EML4: variants seen among roughly 807,000 people sequenced by gnomAD.
The protein encoded by EML4 is EMAP like 4, also known as echinoderm microtubule-associated protein-like 4.
EML4 carries 72 observed loss-of-function variants against 129.0 expected under a neutral mutation model. The observed-to-expected ratio is 0.56, with a 90% CI of 0.46 to 0.68. The LOEUF (loss-of-function observed/expected upper bound fraction) is 0.68. EML4 is among the 30% of genes least tolerant of loss of function. The probability of loss-of-function intolerance (pLI) is 0.00; values close to 1 mark genes in which losing one functional copy is unlikely to be tolerated. For missense variants in EML4, 1,363 were observed against 1,190.6 expected (o/e 1.14, Z -2.13); for synonymous variants, 532 against 405.0 (o/e 1.31, Z -3.77).
At chr2:42,282,679 A>C (rs1195176271) in intron 7 of EML4, 144 bp from the exon 8 acceptor site, 2 of 704,616 alleles carry the variant, frequency 2.8e-6, no homozygotes, top group African/African-American at 1.8e-5. Context: ...ACGTGTGAGC[A>C]CTCTGCCCGT....
chr2:42,294,086 A>G (rs1482068432), intron 11 of EML4, among the ~76,000 whole-genome samples: 1 of 152,282 alleles, frequency 6.6e-6, no homozygotes, highest in African/African-American at 2.4e-5. Flanking sequence ...ACTATAAAAT[A>G]TCAATTTAGT....
At chr2:42,314,683 A>G (rs1255860642) in intron 17 of EML4, among the ~76,000 whole-genome samples, 3 of 152,174 alleles carry the variant, frequency 2.0e-5, no homozygotes, top group African/African-American at 7.2e-5. Context: ...CATTCTGCAG[A>G]TATTTAGTGC....
chr2:42,175,623 C>T (rs1180672820), intron 1 of EML4, among the ~76,000 whole-genome samples: 1 of 151,982 alleles, frequency 6.6e-6, no homozygotes, highest in African/African-American at 2.4e-5. Flanking sequence ...CTCAGCCTCC[C>T]GAGTAGCTGA....
intron 19 of EML4, among the ~76,000 whole-genome samples, chr2:42,324,780 A>T (rs1189138234): frequency 1.3e-5 from 2 of 152,262 alleles, no homozygotes; most frequent in African/African-American, 4.8e-5. Flanking sequence ...AAGTGCTTAT[A>T]CGTGAAGCCA....
intron 1 of EML4, among the ~76,000 whole-genome samples, chr2:42,216,841 T>C (rs1273107820): frequency 2.6e-5 from 4 of 152,166 alleles, no homozygotes; most frequent in Non-Finnish European, 5.9e-5. Flanking sequence ...TTGTCTAAAA[T>C]TGGTTATATC....
intron 2 of EML4, among the ~76,000 whole-genome samples, chr2:42,246,821 A>G (rs1033387993): frequency 1.3e-5 from 2 of 152,198 alleles, no homozygotes; most frequent in African/African-American, 4.8e-5. Context: ...CTGCTTACAG[A>G]GATGTCAAAT....
At chr2:42,172,454 C>G (rs997973568) in intron 1 of EML4, among the ~76,000 whole-genome samples, 1 of 151,954 alleles carries the variant, frequency 6.6e-6, no homozygotes, top group South Asian at 2.1e-4. Context: ...TTATAAATGC[C>G]ACATTGAAGT....
intron 13 of EML4, among the ~76,000 whole-genome samples, chr2:42,296,591 T>C (rs58088543): frequency 0.031 from 4,681 of 152,264 alleles, 240 homozygotes; most frequent in African/African-American, 0.11. Flanking sequence ...GATTTACATA[T>C]CTGCCTTCCC....
At chr2:42,287,018 A>G (rs1348556736) in intron 10 of EML4, among the ~76,000 whole-genome samples, 1 of 152,224 alleles carries the variant, frequency 6.6e-6, no homozygotes, top group African/African-American at 2.4e-5. Context: ...ATTATAAAGT[A>G]TACAGTCAAC....
intron 1 of EML4, among the ~76,000 whole-genome samples, chr2:42,235,016 TC>T (rs1230629983): frequency 6.6e-6 from 1 of 151,618 alleles, no homozygotes; most frequent in Non-Finnish European, 1.5e-5. Flanking sequence ...AATTAGCGGG[TC>T]AGGCATGGTG....
intron 2 of EML4, among the ~76,000 whole-genome samples, chr2:42,252,719 C>A (rs1332998144): frequency 1.3e-5 from 2 of 152,150 alleles, no homozygotes; most frequent in African/African-American, 2.4e-5. Flanking sequence ...TTTACACATA[C>A]TGCAATAGGA....
chr2:42,280,382 G>T (rs1666938869), intron 6 of EML4, among the ~76,000 whole-genome samples: 1 of 152,032 alleles, frequency 6.6e-6, no homozygotes, highest in South Asian at 2.1e-4. Flanking sequence ...TTTGTTTTCT[G>T]TATGCTGTGT....
At chr2:42,302,392 G>A (rs915612036) in intron 14 of EML4, among the ~76,000 whole-genome samples, 4 of 151,856 alleles carry the variant, frequency 2.6e-5, no homozygotes, top group Admixed American at 1.3e-4. Flanking sequence ...GAGTGGGTAG[G>A]GCATGTATTA....
chr2:42,200,413 G>A (rs891378609), intron 1 of EML4, among the ~76,000 whole-genome samples: 1 of 152,208 alleles, frequency 6.6e-6, no homozygotes, highest in East Asian at 1.9e-4. Flanking sequence ...CATGTGACCT[G>A]TAAGCTGTAG....
intron 1 of EML4, among the ~76,000 whole-genome samples, chr2:42,213,598 G>T (rs569543095): frequency 6.6e-6 from 1 of 152,284 alleles, no homozygotes; most frequent in East Asian, 1.9e-4. Flanking sequence ...CATTCAGATT[G>T]CAGATGTGTG....
chr2:42,285,089 T>TA (rs1667213912), intron 9 of EML4, among the ~76,000 whole-genome samples: 1 of 151,782 alleles, frequency 6.6e-6, no homozygotes, highest in African/African-American at 2.4e-5. Context: ...ATTAATTAAT[T>TA]ATAGGGGTGG....
intron 1 of EML4, among the ~76,000 whole-genome samples, chr2:42,201,849 A>ATG (rs546313905): frequency 4.2e-4 from 64 of 152,354 alleles, no homozygotes; most frequent in African/African-American, 1.5e-3. Flanking sequence ...TAGGAGGCTG[A>ATG]GGTAGGCAGA....
chr2:42,244,351 C>T (rs1439265747), intron 1 of EML4, among the ~76,000 whole-genome samples: 2 of 152,088 alleles, frequency 1.3e-5, no homozygotes, highest in Non-Finnish European at 2.9e-5. Flanking sequence ...CCCTCCTCAG[C>T]CTCCCAAAGT....
chr2:42,175,732 C>G (rs1316291457), intron 1 of EML4, among the ~76,000 whole-genome samples: 2 of 152,122 alleles, frequency 1.3e-5, no homozygotes, highest in African/African-American at 4.8e-5. Flanking sequence ...CTGCTGTCCT[C>G]AAGTGATCCA....
Sources: allele counts gnomAD v4.1 joint callset (sites outside exome capture counted in the v4.1 genomes callset), GRCh38; gene constraint gnomAD v4.1.1; transcripts MANE v1.5; gene names NCBI Gene and HGNC (gene_info 2026-07-23, HGNC 2026-07-21).